SPOCK3: variants seen among roughly 807,000 people sequenced by gnomAD.
The protein encoded by SPOCK3 is testican-3.
In SPOCK3, 30 loss-of-function variants were observed where a neutral mutation model predicts 56.6. That is an observed-to-expected ratio of 0.53 (90% CI 0.40 to 0.72). The LOEUF (loss-of-function observed/expected upper bound fraction) is 0.72. SPOCK3 is among the 30% of genes least tolerant of loss of function. The probability of loss-of-function intolerance (pLI) is 0.00; values close to 1 mark genes in which losing one functional copy is unlikely to be tolerated. For synonymous variants in SPOCK3, 196 were observed against 183.3 expected, an observed-to-expected ratio of 1.07 and a Z score of -0.56; for missense variants, 527 against 530.0, an observed-to-expected ratio of 0.99 and a Z score of 0.06.
intron 3 of SPOCK3, among the ~76,000 whole-genome samples, chr4:167,039,104 C>A (rs1391648695): frequency 6.6e-6 from 1 of 152,138 alleles, no homozygotes; most frequent in African/African-American, 2.4e-5. Flanking sequence ...TGCTTCTGTC[C>A]TAGCTTCCCG....
At chr4:166,953,511 G>A (rs1215026180) in intron 4 of SPOCK3, among the ~76,000 whole-genome samples, 2 of 151,896 alleles carry the variant, frequency 1.3e-5, no homozygotes, top group African/African-American at 4.8e-5. Flanking sequence ...TTCAACCATT[G>A]TGGAAGTCAG....
chr4:166,972,257 A>C (rs1327338072), intron 4 of SPOCK3, among the ~76,000 whole-genome samples: 3 of 152,180 alleles, frequency 2.0e-5, no homozygotes, highest in African/African-American at 7.2e-5. Flanking sequence ...CATAAGCATG[A>C]TTAAGTGTTT....
intron 6 of SPOCK3, among the ~76,000 whole-genome samples, chr4:166,874,852 G>A (rs4241628): frequency 0.73 from 111,737 of 152,042 alleles, 41,159 homozygotes; most frequent in East Asian, 0.81. Flanking sequence ...AATTTTAATA[G>A]TAACTCTTTT....
chr4:167,093,269 C>A (rs1758863170), intron 2 of SPOCK3, among the ~76,000 whole-genome samples: 1 of 152,086 alleles, frequency 6.6e-6, no homozygotes, highest in African/African-American at 2.4e-5. Context: ...ATATTGATAA[C>A]CAATTAACAG....
intron 6 of SPOCK3, among the ~76,000 whole-genome samples, chr4:166,883,989 ATAATG>A (rs1343938527): frequency 6.6e-6 from 1 of 152,216 alleles, no homozygotes; most frequent in African/African-American, 2.4e-5. Flanking sequence ...ACAAAATATT[ATAATG>A]TACATTTAGA....
At chr4:166,867,792 C>T (rs1318514996) in intron 6 of SPOCK3, among the ~76,000 whole-genome samples, 5 of 151,340 alleles carry the variant, frequency 3.3e-5, no homozygotes, top group African/African-American at 1.2e-4. Context: ...TCTTAAGTAC[C>T]AGATACTAAT....
intron 4 of SPOCK3, among the ~76,000 whole-genome samples, chr4:166,989,213 C>A (rs925851401): frequency 6.6e-6 from 1 of 152,020 alleles, no homozygotes; most frequent in African/African-American, 2.4e-5. Context: ...CAGAGTCACA[C>A]AGTTGTCTAT....
At chr4:166,958,002 G>T (rs1373778612) in intron 4 of SPOCK3, among the ~76,000 whole-genome samples, 1 of 152,106 alleles carries the variant, frequency 6.6e-6, no homozygotes, top group African/African-American at 2.4e-5. Context: ...CATGAGATTT[G>T]GGAGAGGCCA....
At chr4:167,121,075 T>G (rs1290782214) in intron 2 of SPOCK3, among the ~76,000 whole-genome samples, 2 of 151,824 alleles carry the variant, frequency 1.3e-5, no homozygotes. Flanking sequence ...CACTGAAAAG[T>G]TCAACAATCT....
chr4:166,782,604 T>A (rs2126621474), intron 7 of SPOCK3, among the ~76,000 whole-genome samples: 1 of 152,240 alleles, frequency 6.6e-6, no homozygotes, highest in East Asian at 1.9e-4. Context: ...CAAAGTCTGA[T>A]ACTAAAACTA....
intron 2 of SPOCK3, among the ~76,000 whole-genome samples, chr4:167,081,545 C>G (rs1411072533): frequency 6.6e-6 from 1 of 151,990 alleles, no homozygotes. Flanking sequence ...ATTTCTGCCA[C>G]AACCCCACCA....
intron 7 of SPOCK3, among the ~76,000 whole-genome samples, chr4:166,771,837 G>T (rs572796693): frequency 6.6e-6 from 1 of 152,062 alleles, no homozygotes; most frequent in East Asian, 1.9e-4. Context: ...TGTTTACATG[G>T]TACATCATAA....
At chr4:166,812,753 ATTAAAT>A (rs1285311036) in intron 6 of SPOCK3, among the ~76,000 whole-genome samples, 1 of 152,004 alleles carries the variant, frequency 6.6e-6, no homozygotes, top group Non-Finnish European at 1.5e-5. Context: ...ACTGGGACGA[ATTAAAT>A]TTATTATTTA....
At chr4:167,117,580 G>A (rs1463641072) in intron 2 of SPOCK3, among the ~76,000 whole-genome samples, 3 of 152,088 alleles carry the variant, frequency 2.0e-5, no homozygotes, top group Non-Finnish European at 2.9e-5. Context: ...GGTCGATGCC[G>A]GATTGTGGAC....
chr4:167,057,206 A>G (rs1338224739), intron 3 of SPOCK3, among the ~76,000 whole-genome samples: 3 of 152,222 alleles, frequency 2.0e-5, no homozygotes, highest in African/African-American at 7.2e-5. Flanking sequence ...AGTGAAGGAG[A>G]AATAAAATAC....
chr4:167,145,022 C>T (rs1040369997), intron 2 of SPOCK3, among the ~76,000 whole-genome samples: 1 of 151,812 alleles, frequency 6.6e-6, no homozygotes, highest in Non-Finnish European at 1.5e-5. Flanking sequence ...AACTGTAACA[C>T]AGCAAATTGG....
intron 5 of SPOCK3, among the ~76,000 whole-genome samples, chr4:166,904,695 G>A (rs1037054082): frequency 1.1e-4 from 17 of 152,010 alleles, no homozygotes; most frequent in Non-Finnish European, 1.9e-4. Flanking sequence ...AATTGGGGGT[G>A]TTAGTGTCTG....
At position 166,749,224 on chromosome 4, in the gene SPOCK3, C is replaced by T. The variant is rs180758498; in HGVS notation, c.931+5284G>A. On this transcript the variant is annotated intron_variant, in intron 8 of 10. Coordinates refer to ENST00000357545, the MANE Select transcript of SPOCK3 (RefSeq NM_001040159.2). ...GCAGCACTGCTCACAATAGCAAAGACTTGGAACCAACCCAAATGTCCATCA... is the reference window on the plus strand; with the variant it reads ...GCAGCACTGCTCACAATAGCAAAGATTTGGAACCAACCCAAATGTCCATCA... Among the ~76,000 whole-genome samples the T allele has an allele frequency of 1.5e-5, 2 of 137,518 alleles. 1 individual carries two copies. Among genetic ancestry groups the T allele is most frequent in the African/African-American group, 6.2e-5 (2 of 32,488 alleles). 90.2% of individuals were successfully genotyped at this position (137,518 alleles called of 152,430 possible). A position where few individuals can be genotyped will look rare whatever the true frequency, so the allele number is the denominator to read the frequency against.
chr4:166,860,188 C>T (rs1396645497), intron 6 of SPOCK3, among the ~76,000 whole-genome samples: 1 of 152,032 alleles, frequency 6.6e-6, no homozygotes, highest in East Asian at 1.9e-4. Context: ...TTTTAGGGCT[C>T]TCTAGGGAAG....
Sources: gnomAD v4.1 joint callset for allele counts (sites outside exome capture counted in the v4.1 genomes callset) on GRCh38, gnomAD v4.1.1 for gene constraint, MANE v1.5 for transcripts, NCBI Gene and HGNC (gene_info 2026-07-23, HGNC 2026-07-21) for gene names.